The following CAAP1 variants were observed in gnomAD, a reference collection of about 807,000 sequenced individuals.
CAAP1 encodes the protein caspase activity and apoptosis inhibitor 1.
A neutral mutation model predicts 34.0 loss-of-function variants in CAAP1; 20 were observed. The ratio of observed to expected loss-of-function variants is 0.59; its 90% CI spans 0.41 to 0.86. The LOEUF (loss-of-function observed/expected upper bound fraction) is 0.86. CAAP1 is among the 40% of genes least tolerant of loss of function. CAAP1 has a pLI of 0.00. For synonymous variants in CAAP1, 213 were observed against 166.7 expected, an observed-to-expected ratio of 1.28 and a Z score of -2.14; for missense variants, 538 against 450.5, an observed-to-expected ratio of 1.19 and a Z score of -1.76.
chr9:26,871,942 T>TAAATAAATAAAAAAAA (rs527835394), intron 4 of CAAP1, among the ~76,000 whole-genome samples: 1 of 151,352 alleles, frequency 6.6e-6, no homozygotes, highest in African/African-American at 2.4e-5. Flanking sequence ...AATAAATAAA[T>TAAATAAATAAAAAAAA]AAAATAAAAA....
intron 4 of CAAP1, among the ~76,000 whole-genome samples, chr9:26,878,955 C>T (rs1391124343): frequency 6.6e-6 from 1 of 152,186 alleles, no homozygotes; most frequent in African/African-American, 2.4e-5. Flanking sequence ...AACCAACATC[C>T]ATCTTACTTT....
At chr9:26,879,622 C>T (rs1007843295) in intron 4 of CAAP1, among the ~76,000 whole-genome samples, 4 of 152,218 alleles carry the variant, frequency 2.6e-5, no homozygotes, top group African/African-American at 4.8e-5. Context: ...CATCCTCAAT[C>T]GGTGGGCACC....
At chr9:26,889,697 C>T (rs545865903) in intron 1 of CAAP1, among the ~76,000 whole-genome samples, 2 of 151,660 alleles carry the variant, frequency 1.3e-5, no homozygotes, top group East Asian at 2.0e-4. Context: ...GAAACCCTGT[C>T]TCTACTAAAA....
chr9:26,873,686 C>G (rs1387356530), intron 4 of CAAP1, among the ~76,000 whole-genome samples: 2 of 152,110 alleles, frequency 1.3e-5, no homozygotes, highest in African/African-American at 4.8e-5. Flanking sequence ...ACTCTAATTC[C>G]AAGACTTCAT....
At chr9:26,876,213 C>T (rs548634510) in intron 4 of CAAP1, among the ~76,000 whole-genome samples, 9 of 152,294 alleles carry the variant, frequency 5.9e-5, no homozygotes, top group Admixed American at 3.3e-4. Context: ...CTTCCAAGCA[C>T]ATCATTTTAA....
intron 2 of CAAP1, among the ~76,000 whole-genome samples, chr9:26,886,600 T>C (rs1823744622): frequency 1.3e-5 from 2 of 152,348 alleles, no homozygotes; most frequent in African/African-American, 4.8e-5. Flanking sequence ...AATATTTCCC[T>C]AAATAATTTT....
At chr9:26,888,670 A>G (rs956538878) in intron 1 of CAAP1, among the ~76,000 whole-genome samples, 2 of 152,250 alleles carry the variant, frequency 1.3e-5, no homozygotes, top group African/African-American at 2.4e-5. Context: ...GGAATATAAA[A>G]TTGTGCAGCT....
chr9:26,877,979 T>G (rs948256073), intron 4 of CAAP1, among the ~76,000 whole-genome samples: 1 of 152,132 alleles, frequency 6.6e-6, no homozygotes, highest in Admixed American at 6.5e-5. Flanking sequence ...TTCCTACTTA[T>G]TATACATGAG....
At chr9:26,881,993 G>C (rs142356041) in intron 4 of CAAP1, among the ~76,000 whole-genome samples, 1 of 152,212 alleles carries the variant, frequency 6.6e-6, no homozygotes. Flanking sequence ...CCTTGAGCTA[G>C]AGATTTGTGG....
rs1823777285 is a variant in CAAP1, at chr9:26,887,511, T to C, written c.306A>G (p.Glu102=). ...SSSVSGSLQQ[E]TKYILPTLEK... ...CCAAAGTTGGCAAAATATATTTAGTTTCCTAAAGTTAAAAGAATAAAGAAC... is the reference window on the plus strand; with the variant it reads ...CCAAAGTTGGCAAAATATATTTAGTCTCCTAAAGTTAAAAGAATAAAGAAC... The change falls in exon 2 of 6, where the codon GAA becomes GAG. Residue 102 remains glutamate, a splice_region_variant and synonymous_variant. Transcript: ENST00000333916. The C allele has an allele frequency of 6.3e-7, 1 of 1,576,250 alleles. No homozygotes were observed. Among genetic ancestry groups the C allele is most frequent in the East Asian group, 2.2e-5 (1 of 44,612 alleles).
At chr9:26,891,663 C>G (rs922765801) in intron 1 of CAAP1, among the ~76,000 whole-genome samples, 1 of 152,076 alleles carries the variant, frequency 6.6e-6, no homozygotes, top group Admixed American at 6.5e-5. Flanking sequence ...TATAAAGAAG[C>G]CTATCACAAC....
At chr9:26,852,728 A>ACTAC (rs1822781756) in intron 5 of CAAP1, among the ~76,000 whole-genome samples, 1 of 152,148 alleles carries the variant, frequency 6.6e-6, no homozygotes. Flanking sequence ...CTTCTATAAG[A>ACTAC]CTACAGTACA....
At chr9:26,890,485 G>C (rs1321831361) in intron 1 of CAAP1, among the ~76,000 whole-genome samples, 3 of 151,848 alleles carry the variant, frequency 2.0e-5, no homozygotes, top group Non-Finnish European at 1.5e-5. Context: ...TTTTTAAAGA[G>C]TGTCTTAAAA....
At chr9:26,856,344 C>T (rs1336760685) in intron 5 of CAAP1, among the ~76,000 whole-genome samples, 2 of 151,818 alleles carry the variant, frequency 1.3e-5, no homozygotes, top group African/African-American at 4.8e-5. Context: ...TTTTAAGGAA[C>T]CATTAAACAG....
At position 26,842,475 on chromosome 9, in the gene CAAP1, C is replaced by A. The variant is rs1822504425; in HGVS notation, c.912G>T (p.Glu304Asp). The A allele has an allele frequency of 2.5e-6, 4 of 1,614,136 alleles. No individual in the cohort carries two copies. The highest frequency in any genetic ancestry group is 3.4e-6 in the Non-Finnish European group (4 of 1,180,036). Reference protein sequence around the residue: ...LEKDIEKSVNEILGLAESSPN... With the variant: ...LEKDIEKSVNDILGLAESSPN... ...GGCTAGACTCTGCCAGTCCTAGAAT[C>A]TCATTCACACTTTTCTCAATGTCTT... The change falls in exon 6 of 6, where the codon GAG becomes GAT. Residue 304 changes from glutamate (E) to aspartate (D), a missense_variant. Transcript: ENST00000333916.
chr9:26,892,686 T>C lies in CAAP1; in HGVS notation c.30A>G (p.Lys10=). The C allele has an allele frequency of 6.2e-7, 1 of 1,603,394 alleles. No individual in the cohort carries two copies. The highest frequency in any genetic ancestry group is 8.5e-7 in the Non-Finnish European group (1 of 1,178,024). The stretch of plus-strand genomic sequence containing the variant: ...CCTCCTGACTGCTACGTTTGCGCCG[T>C]TTCTCCCGGGAGGACTTTTTCCCCG... MTGKKSSRE[K]RRKRSSQEAA... The change falls in exon 1 of 6, where the codon AAA becomes AAG. Residue 10 remains lysine, a synonymous_variant. Coordinates refer to ENST00000333916, the MANE Select transcript of CAAP1 (RefSeq NM_024828.4).
chr9:26,842,569 T>G lies in CAAP1; in HGVS notation c.818A>C (p.Glu273Ala), dbSNP rs757019035. The change falls in exon 6 of 6, where the codon GAA becomes GCA. Residue 273 changes from glutamate (E) to alanine (A), a missense_variant. By Grantham distance (107) the Glu-to-Ala change is moderately radical. Coordinates refer to ENST00000333916, the MANE Select transcript of CAAP1 (RefSeq NM_024828.4). ...TTCTGGTGCCTCGGGAGCAGCTGCTTCTTCGTTGCATGGGCCTTCTATGTC... is the reference window on the plus strand; with the variant it reads ...TTCTGGTGCCTCGGGAGCAGCTGCTGCTTCGTTGCATGGGCCTTCTATGTC... ...DSDIEGPCNE[E>A]AAAPEAPENT... The G allele has an allele frequency of 1.9e-6, 3 of 1,614,196 alleles. No individual in the cohort carries two copies. The highest frequency in any genetic ancestry group is 2.2e-5 in the South Asian group (2 of 91,084).
intron 4 of CAAP1, among the ~76,000 whole-genome samples, chr9:26,870,825 T>G (rs566844412): frequency 6.6e-6 from 1 of 152,028 alleles, no homozygotes; most frequent in South Asian, 2.1e-4. Flanking sequence ...CCATGTTAGC[T>G]GGGGTGGTCT....
intron 5 of CAAP1, among the ~76,000 whole-genome samples, chr9:26,856,706 A>G (rs1026518477): frequency 6.6e-5 from 10 of 152,332 alleles, no homozygotes; most frequent in South Asian, 2.1e-4. Flanking sequence ...TGATAATGCT[A>G]TCTATTGGTT....
Sources: gnomAD v4.1 joint callset for allele counts (sites outside exome capture counted in the v4.1 genomes callset) on GRCh38, gnomAD v4.1.1 for gene constraint, MANE v1.5 for transcripts, NCBI Gene and HGNC (gene_info 2026-07-23, HGNC 2026-07-21) for gene names.